Variants in UGT1A9 observed in about 807,000 individuals in gnomAD.
The protein encoded by UGT1A9 is UDP-glucuronosyltransferase 1A9.
In UGT1A9, 35 loss-of-function variants were observed where a neutral mutation model predicts 45.0. The ratio of observed to expected loss-of-function variants is 0.78; its 90% confidence interval spans 0.59 to 1.03. The LOEUF (loss-of-function observed/expected upper bound fraction) is 1.03, where lower values mean the gene tolerates loss of function less well. Ranked by LOEUF, UGT1A9 falls within the 50% of genes least tolerant of loss-of-function variation. The pLI, the probability that UGT1A9 is intolerant of heterozygous loss-of-function variation, is 0.00. For missense variants in UGT1A9, 687 were observed against 666.6 expected, an observed-to-expected ratio of 1.03 and a Z score of -0.34; for synonymous variants, 278 against 250.6, an observed-to-expected ratio of 1.11 and a Z score of -1.03.
intron 1 of UGT1A9, among the ~76,000 whole-genome samples, chr2:233,714,574 C>A (rs1193502445): frequency 2.0e-5 from 3 of 152,204 alleles, no homozygotes; most frequent in Non-Finnish European, 2.9e-5. Flanking sequence ...AAACCACATA[C>A]ATAATTTAAA....
At chr2:233,751,274 C>T (rs1450927418) in intron 1 of UGT1A9, among the ~76,000 whole-genome samples, 1 of 151,812 alleles carries the variant, frequency 6.6e-6, no homozygotes, top group African/African-American at 2.4e-5. Flanking sequence ...CTTTTTTTGG[C>T]CAGTTTCTCC....
chr2:233,757,535 AATATATATATAT>A (rs67292694), intron 1 of UGT1A9, among the ~76,000 whole-genome samples: 4 of 88,300 alleles, frequency 4.5e-5, no homozygotes, highest in African/African-American at 5.0e-5. Flanking sequence ...GCCTGTAAGG[AATATATATATAT>A]ATATATATAT....
chr2:233,739,708 G>C lies in UGT1A9; in HGVS notation c.856-27326G>C, dbSNP rs578128950. Reference sequence around the variant, plus strand: ...TGTTTTTGATTTTACAGGCTCATGGGGGAAGGGACTTGACTTGTCTCAGAT... The same window carrying C: ...TGTTTTTGATTTTACAGGCTCATGGCGGAAGGGACTTGACTTGTCTCAGAT... On this transcript the variant is annotated intron_variant, in intron 1 of 4. Coordinates refer to ENST00000354728, the MANE Select transcript of UGT1A9 (RefSeq NM_021027.3). 2.0e-5 allele frequency among the ~76,000 whole-genome samples: 3 copies of C among 152,316 alleles called. No homozygotes were observed. The East Asian group carries it at 5.8e-4, about 29-fold the overall frequency.
chr2:233,719,226 G>T (rs2076738991), intron 1 of UGT1A9: 1 of 1,614,026 alleles, frequency 6.2e-7, no homozygotes, highest in Non-Finnish European at 8.5e-7. Context: ...GCATAATGAG[G>T]CCCTGATCAG....
At chr2:233,768,494 T>A in intron 4 of UGT1A9, 55 bp downstream of exon 4, 1 of 1,575,098 alleles carries the variant, frequency 6.3e-7, no homozygotes, top group Non-Finnish European at 8.6e-7. Context: ...GATAAAATTG[T>A]TTCAAATATG....
At chr2:233,684,786 G>C (rs2074701046) in intron 1 of UGT1A9, among the ~76,000 whole-genome samples, 1 of 152,130 alleles carries the variant, frequency 6.6e-6, no homozygotes, top group African/African-American at 2.4e-5. Context: ...CTTTGGCAAA[G>C]AGCCCTGGAT....
intron 1 of UGT1A9, among the ~76,000 whole-genome samples, chr2:233,766,212 G>A (rs1479826907): frequency 6.6e-6 from 1 of 152,186 alleles, no homozygotes; most frequent in Non-Finnish European, 1.5e-5. Context: ...GGGGAAGCCA[G>A]AAGGGGATGG....
At chr2:233,758,324 A>G (rs1465079880) in intron 1 of UGT1A9, among the ~76,000 whole-genome samples, 5 of 152,226 alleles carry the variant, frequency 3.3e-5, no homozygotes, top group Admixed American at 3.3e-4. Context: ...AAGCAGCCTC[A>G]AAAAGCTTGG....
intron 1 of UGT1A9, chr2:233,718,134 G>A: frequency 3.8e-6 from 1 of 266,146 alleles, no homozygotes; most frequent in East Asian, 8.0e-5. Flanking sequence ...TGTAGATGGA[G>A]AATCCTCAAT....
intron 1 of UGT1A9, chr2:233,729,195 G>C: frequency 6.2e-7 from 1 of 1,614,030 alleles, no homozygotes; most frequent in Non-Finnish European, 8.5e-7. Context: ...TCAGTGTCCA[G>C]CCCTGGGCTG....
chr2:233,679,034 C>CA (rs2074436313), intron 1 of UGT1A9, among the ~76,000 whole-genome samples: 1 of 152,200 alleles, frequency 6.6e-6, no homozygotes, highest in African/African-American at 2.4e-5. Flanking sequence ...TCTGGACTTT[C>CA]ATGACATTCT....
chr2:233,693,909 C>A, intron 1 of UGT1A9: 1 of 1,612,700 alleles, frequency 6.2e-7, no homozygotes, highest in Non-Finnish European at 8.5e-7. Context: ...TTCTTCCAGG[C>A]TCTGTCCTCC....
rs555064194 is a variant in UGT1A9 at position 233,744,160 on chromosome 2, C to T, written c.856-22874C>T. ...TGTGATGCTCCAAGACCAGGCCCCG[C>T]CCACTCCGGCCTCCAACCAGCCATG... On this transcript the variant is annotated intron_variant, in intron 1 of 4. Coordinates refer to ENST00000354728, the MANE Select transcript of UGT1A9 (RefSeq NM_021027.3). 16 of 294,652 alleles carry T rather than the reference C, an allele frequency of 5.4e-5. No homozygotes were observed. In the East Asian group the frequency reaches 1.5e-3, roughly 28 times the overall value. 18.3% of individuals were successfully genotyped at this position (294,652 alleles called of 1,614,324 possible).
intron 1 of UGT1A9, chr2:233,743,705 G>A (rs756391897): frequency 8.8e-6 from 12 of 1,367,306 alleles, no homozygotes; most frequent in South Asian, 2.3e-5. Context: ...CTCCGCCCCC[G>A]CCTCGCCATA....
At position 233,672,599 on chromosome 2, in the gene UGT1A9, G is replaced by T. The variant is rs772418161; in HGVS notation, c.665G>T (p.Arg222Leu). The T allele has an allele frequency of 1.2e-6, 2 of 1,613,822 alleles. No homozygotes were observed. The highest frequency in any genetic ancestry group is 3.3e-5 in the Admixed American group (2 of 59,996). Reference sequence around the variant, plus strand: ...TTGGAGGAACATTTATTATGCCACCGTTTTTTCAAAAATGCCCTAGAAATA... The same window carrying T: ...TTGGAGGAACATTTATTATGCCACCTTTTTTTCAAAAATGCCCTAGAAATA... Reference protein sequence around the residue: ...MHLEEHLLCHRFFKNALEIAS... With the variant: ...MHLEEHLLCHLFFKNALEIAS... The change falls in exon 1 of 5, where the codon CGT becomes CTT. Residue 222 changes from arginine (R) to leucine (L), a missense_variant. Arg to Leu is a moderately radical substitution (Grantham distance 102). Coordinates refer to ENST00000354728, the MANE Select transcript of UGT1A9 (RefSeq NM_021027.3).
chr2:233,676,601 T>A lies in UGT1A9; in HGVS notation c.855+3812T>A, dbSNP rs539134950. 2.6e-5 allele frequency among the ~76,000 whole-genome samples: 4 copies of A among 152,314 alleles called. No homozygotes were observed. In the South Asian group the frequency reaches 8.3e-4, roughly 32 times the overall value. Reference sequence around the variant, plus strand: ...CCTGAAATGTAGTCATCATGTCTCCTTTGTCTCCTCCAGCCTGTGACGGTT... The same window carrying A: ...CCTGAAATGTAGTCATCATGTCTCCATTGTCTCCTCCAGCCTGTGACGGTT... On this transcript the variant is annotated intron_variant, in intron 1 of 4. Coordinates refer to ENST00000354728, the MANE Select transcript of UGT1A9 (RefSeq NM_021027.3).
At chr2:233,722,926 T>C (rs2077050442) in intron 1 of UGT1A9, among the ~76,000 whole-genome samples, 1 of 129,968 alleles carries the variant, frequency 7.7e-6, no homozygotes, top group South Asian at 3.0e-4. Context: ...TCATCCTCAT[T>C]GTCTCCATGC....
At position 233,769,810 on chromosome 2, in the gene UGT1A9, A is replaced by G. The variant is rs1699943868; in HGVS notation, c.1295+1371A>G. The G allele has an allele frequency of 5.9e-6, 6 of 1,010,036 alleles. No individual in the cohort carries two copies. Among genetic ancestry groups the G allele is most frequent in the African/African-American group, 3.3e-5 (2 of 61,048 alleles). The allele number at this position is 1,010,036 out of a possible 1,614,324, so 62.6% of individuals were successfully genotyped here. ...TTGGAGGCTGCTATGAGCCGTGATC[A>G]TGCCACTGCACTCCAGCAACCTGGG... On this transcript the variant is annotated intron_variant, in intron 4 of 4. Transcript: ENST00000354728. This position sits in a 1 kb window ranked among gnomAD's most constrained non-coding sequence, Gnocchi z 4.4.
chr2:233,745,803 A>G (rs11695484), intron 1 of UGT1A9, among the ~76,000 whole-genome samples: 45,405 of 150,528 alleles, frequency 0.3, 7,175 homozygotes, highest in South Asian at 0.39. Flanking sequence ...GGTCTATCCC[A>G]GAGTTTTGAG....
Sources: gnomAD v4.1 joint callset for allele counts (sites outside exome capture counted in the v4.1 genomes callset) on GRCh38, gnomAD v4.1.1 for gene constraint, Gnocchi (gnomAD v3.1) non-coding constraint, MANE v1.5 for transcripts, NCBI Gene and HGNC (gene_info 2026-07-23, HGNC 2026-07-21) for gene names.